NPAS3: variants seen among roughly 807,000 people sequenced by gnomAD.
The protein encoded by NPAS3 is neuronal PAS domain-containing protein 3.
In NPAS3, 14 loss-of-function variants were observed where a neutral mutation model predicts 73.1. The observed-to-expected ratio is 0.19, with a 90% CI of 0.13 to 0.30. NPAS3 has a LOEUF of 0.30. NPAS3 is among the 10% of genes least tolerant of loss of function. NPAS3 has a pLI of 1.00. For missense variants in NPAS3, 1,096 were observed against 1,250.0 expected (o/e 0.88, Z 1.86); for synonymous variants, 620 against 541.5 (o/e 1.14, Z -2.01).
At chr14:33,230,278 A>G (rs1246098453) in intron 3 of NPAS3, among the ~76,000 whole-genome samples, 1 of 152,222 alleles carries the variant, frequency 6.6e-6, no homozygotes, top group Non-Finnish European at 1.5e-5. Context: ...GTAGTTTAAC[A>G]TCATAGACAC....
At chr14:33,496,770 T>C (rs141235192) in intron 4 of NPAS3, among the ~76,000 whole-genome samples, 418 of 152,278 alleles carry the variant, frequency 2.7e-3, no homozygotes, top group African/African-American at 8.7e-3. Context: ...GCTGGAAGCA[T>C]TCCCTTAGAA....
rs528876763 is a variant in NPAS3, at chr14:33,285,468, T to C, written c.385+70042T>C. Among the ~76,000 whole-genome samples, 4 of 152,248 alleles carry C rather than the reference T, an allele frequency of 2.6e-5. No homozygotes were observed. The South Asian group carries it at 8.3e-4, about 32-fold the overall frequency. ...TTGGCTGTATAAACTCAATGACCCA[T>C]CTCTGGAATGGCAGATGGGGCCAAC... is the stretch of plus-strand genomic sequence containing the variant. On this transcript the variant is annotated intron_variant, in intron 3 of 11. Transcript: ENST00000356141.
At chr14:33,040,542 A>G (rs368366223) in intron 1 of NPAS3, among the ~76,000 whole-genome samples, 6 of 152,288 alleles carry the variant, frequency 3.9e-5, no homozygotes, top group South Asian at 4.1e-4. Flanking sequence ...CAGAATGGCA[A>G]TTGCATCAGC....
In NPAS3 at chr14:33,178,070, A is replaced by ATTTTTTTTTTTTTTTTTTTTTTT. The variant is rs780708461; in HGVS notation, c.141-37104_141-37103insTTTTTTTTTTTTTTTTTTTTTTT. Among the ~76,000 whole-genome samples, 8 of 123,868 alleles carry ATTTTTTTTTTTTTTTTTTTTTTT rather than the reference A, an allele frequency of 6.5e-5. 3 individuals carry two copies. The highest frequency in any genetic ancestry group is 5.0e-5 in the Non-Finnish European group (3 of 60,560). The allele number at this position is 123,868 out of a possible 152,430, so 81.3% of individuals were successfully genotyped here. A position where few individuals can be genotyped will look rare whatever the true frequency, so the allele number is the denominator to read the frequency against. On this transcript the variant is annotated intron_variant, in intron 2 of 11. Transcript: ENST00000356141. Reference sequence around the variant, plus strand: ...GGAATTTTGATAGGCATTGAAGTGAATTTTTTTTGTTTTTTTTTTTTTGGA... The same window carrying ATTTTTTTTTTTTTTTTTTTTTTT: ...GGAATTTTGATAGGCATTGAAGTGAATTTTTTTTTTTTTTTTTTTTTTTTTTTTTTTGTTTTTTTTTTTTTGGA...
At chr14:33,675,259 G>A (rs775531101) in intron 5 of NPAS3, among the ~76,000 whole-genome samples, 1 of 152,150 alleles carries the variant, frequency 6.6e-6, no homozygotes, top group Non-Finnish European at 1.5e-5. Flanking sequence ...ACTATTCTTA[G>A]GAGATAAAAT....
At chr14:33,544,501 A>G (rs1272570952) in intron 4 of NPAS3, among the ~76,000 whole-genome samples, 1 of 151,902 alleles carries the variant, frequency 6.6e-6, no homozygotes, top group Non-Finnish European at 1.5e-5. Context: ...TCAGAAGACG[A>G]AGACAGAGAG....
chr14:33,465,648 A>G (rs757107619), intron 4 of NPAS3, among the ~76,000 whole-genome samples: 13 of 152,236 alleles, frequency 8.5e-5, no homozygotes, highest in Non-Finnish European at 1.6e-4. Context: ...AAAGGCATAT[A>G]GTTTACAAAT....
At chr14:33,531,373 C>T (rs373249103) in intron 4 of NPAS3, among the ~76,000 whole-genome samples, 78 of 152,216 alleles carry the variant, frequency 5.1e-4, no homozygotes, top group African/African-American at 1.7e-3. Context: ...CTTACCCCAA[C>T]CCCTGATGGC....
intron 4 of NPAS3, among the ~76,000 whole-genome samples, chr14:33,390,238 C>G (rs1566859159): frequency 3.3e-5 from 5 of 152,056 alleles, no homozygotes. Flanking sequence ...AAAGAGAATA[C>G]TTTTTTTCAG....
chr14:33,611,664 T>C (rs1215828579), intron 5 of NPAS3, among the ~76,000 whole-genome samples: 1 of 152,220 alleles, frequency 6.6e-6, no homozygotes, highest in Non-Finnish European at 1.5e-5. Context: ...TTGCGTGAAC[T>C]AGAAGTAGTT....
chr14:33,612,438 C>T (rs561885355), intron 5 of NPAS3: 61 of 455,986 alleles, frequency 1.3e-4, no homozygotes, highest in African/African-American at 9.4e-4. Context: ...CCAGTCACAT[C>T]GACGTCCAAG....
intron 3 of NPAS3, among the ~76,000 whole-genome samples, chr14:33,252,731 C>A (rs1427306896): frequency 3.3e-5 from 5 of 151,466 alleles, no homozygotes; most frequent in African/African-American, 1.2e-4. Context: ...TTCTAGTGTA[C>A]CCATCACCCA....
upstream of NPAS3, chr14:32,939,246 C>T: frequency 3.2e-6 from 2 of 621,132 alleles, no homozygotes; most frequent in South Asian, 1.6e-5. Flanking sequence ...CACACCCCCG[C>T]CCGCCCACGC....
At chr14:33,671,050 A>G (rs953936472) in intron 5 of NPAS3, among the ~76,000 whole-genome samples, 1 of 152,210 alleles carries the variant, frequency 6.6e-6, no homozygotes, top group African/African-American at 2.4e-5. Flanking sequence ...TTCTAAAAGA[A>G]AGAAATATCT....
chr14:33,557,813 CA>C (rs1365719371), intron 4 of NPAS3, among the ~76,000 whole-genome samples: 1 of 152,086 alleles, frequency 6.6e-6, no homozygotes. Flanking sequence ...ACTAAAAATA[CA>C]AAAAATTAGC....
At chr14:33,686,106 T>C (rs2060081919) in intron 6 of NPAS3, among the ~76,000 whole-genome samples, 1 of 152,174 alleles carries the variant, frequency 6.6e-6, no homozygotes, top group African/African-American at 2.4e-5. Flanking sequence ...AGCTCAATGA[T>C]TGCAGGCTGG....
At chr14:33,568,878 A>G (rs1427205909) in intron 5 of NPAS3, among the ~76,000 whole-genome samples, 2 of 151,892 alleles carry the variant, frequency 1.3e-5, no homozygotes, top group Non-Finnish European at 2.9e-5. Context: ...TTTCATCCTC[A>G]CTCCCTTCTT....
chr14:32,987,226 ATT>A (rs201588607), intron 1 of NPAS3, among the ~76,000 whole-genome samples: 36 of 141,774 alleles, frequency 2.5e-4, no homozygotes, highest in Non-Finnish European at 2.8e-4. Context: ...TTGTGTCAGA[ATT>A]TTTTTTTTTT....
At chr14:33,257,556 G>C (rs752817254) in intron 3 of NPAS3, among the ~76,000 whole-genome samples, 14 of 152,194 alleles carry the variant, frequency 9.2e-5, no homozygotes, top group Non-Finnish European at 1.5e-4. Context: ...ACATACAAGT[G>C]TGCTGACGGG....
Sources: allele counts gnomAD v4.1 joint callset (sites outside exome capture counted in the v4.1 genomes callset), GRCh38; gene constraint gnomAD v4.1.1; transcripts MANE v1.5; gene names NCBI Gene and HGNC (gene_info 2026-07-23, HGNC 2026-07-21).